Variants in SCMH1 observed in about 807,000 individuals in gnomAD.
SCMH1 encodes the protein Scm polycomb group protein homolog 1.
In SCMH1, 37 loss-of-function variants were observed where a neutral mutation model predicts 70.8. The ratio of observed to expected loss-of-function variants is 0.52; its 90% CI spans 0.40 to 0.69. SCMH1 has a LOEUF of 0.69. Ranked by LOEUF, SCMH1 falls within the 30% of genes least tolerant of loss-of-function variation. SCMH1 has a pLI of 0.00. For synonymous variants in SCMH1, 292 were observed against 307.4 expected (o/e 0.95, Z 0.52); for missense variants, 607 against 827.3 (o/e 0.73, Z 3.27).
intron 1 of SCMH1, among the ~76,000 whole-genome samples, chr1:41,214,608 C>T (rs1657711812): frequency 6.6e-6 from 1 of 152,086 alleles, no homozygotes; most frequent in East Asian, 1.9e-4. Context: ...ATGGCTAGGA[C>T]AACTGTTCAC....
At chr1:41,056,415 T>G (rs919304547) in intron 10 of SCMH1, among the ~76,000 whole-genome samples, 3 of 152,178 alleles carry the variant, frequency 2.0e-5, no homozygotes, top group African/African-American at 7.2e-5. Flanking sequence ...TAAAAATCCT[T>G]CCCAATCTTG....
At chr1:41,145,476 GT>G in intron 5 of SCMH1, among the ~76,000 whole-genome samples, 1 of 152,258 alleles carries the variant, frequency 6.6e-6, no homozygotes, top group African/African-American at 2.4e-5. Context: ...TTTGTAGTAA[GT>G]TTTGAAATCA....
intron 1 of SCMH1, among the ~76,000 whole-genome samples, chr1:41,207,124 T>G (rs973550613): frequency 1.3e-5 from 2 of 152,168 alleles, no homozygotes; most frequent in African/African-American, 2.4e-5. Flanking sequence ...ATGAAGAAAC[T>G]GCATCAATTA....
intron 1 of SCMH1, among the ~76,000 whole-genome samples, chr1:41,208,435 TAAAAA>T (rs149379351): frequency 7.7e-6 from 1 of 129,700 alleles, no homozygotes; most frequent in Non-Finnish European, 1.8e-5. Context: ...AGAAAAAAAT[TAAAAA>T]AAAAAAATAA....
intron 10 of SCMH1, among the ~76,000 whole-genome samples, chr1:41,051,325 T>C (rs1259715915): frequency 6.6e-6 from 1 of 152,206 alleles, no homozygotes; most frequent in Non-Finnish European, 1.5e-5. Flanking sequence ...GAGTACATAA[T>C]ACTTGGTAAC....
At chr1:41,233,814 T>C in intron 1 of SCMH1, among the ~76,000 whole-genome samples, 1 of 152,212 alleles carries the variant, frequency 6.6e-6, no homozygotes, top group East Asian at 1.9e-4. Context: ...CTCCTGATTA[T>C]GCTTATGGTA....
intron 10 of SCMH1, among the ~76,000 whole-genome samples, chr1:41,051,709 A>AT (rs1196185959): frequency 4.6e-5 from 7 of 152,300 alleles, no homozygotes; most frequent in Non-Finnish European, 8.8e-5. Context: ...AAAATAAAAT[A>AT]TTTTTGTACA....
intron 6 of SCMH1, among the ~76,000 whole-genome samples, chr1:41,119,826 T>C (rs1671480760): frequency 6.6e-6 from 1 of 152,212 alleles, no homozygotes; most frequent in Non-Finnish European, 1.5e-5. Context: ...TTCTTGGTTA[T>C]ATGAGTTAAT....
intron 1 of SCMH1, among the ~76,000 whole-genome samples, chr1:41,235,388 T>C (rs781700071): frequency 6.6e-6 from 1 of 151,442 alleles, no homozygotes; most frequent in Non-Finnish European, 1.5e-5. Flanking sequence ...CTGACCAACA[T>C]GGTGAAACCC....
intron 2 of SCMH1, among the ~76,000 whole-genome samples, chr1:41,174,352 T>C (rs1228490601): frequency 6.6e-6 from 1 of 151,968 alleles, no homozygotes; most frequent in Non-Finnish European, 1.5e-5. Context: ...GTTGTGGTGT[T>C]GTTGGCTGAG....
chr1:41,084,515 T>G (rs1661007403), intron 8 of SCMH1, among the ~76,000 whole-genome samples: 1 of 152,146 alleles, frequency 6.6e-6, no homozygotes, highest in Non-Finnish European at 1.5e-5. Context: ...AGGAACACTT[T>G]TACACTGTTG....
intron 2 of SCMH1, among the ~76,000 whole-genome samples, chr1:41,178,043 G>C (rs1320409788): frequency 2.6e-5 from 4 of 152,210 alleles, no homozygotes; most frequent in African/African-American, 9.6e-5. Flanking sequence ...TGTTCTCTCG[G>C]CAGAAACTCC....
chr1:41,120,923 A>G (rs916341077), intron 6 of SCMH1, among the ~76,000 whole-genome samples: 2 of 152,226 alleles, frequency 1.3e-5, no homozygotes, highest in African/African-American at 4.8e-5. Flanking sequence ...GTTAACATTT[A>G]TTGTACACAT....
rs972154990 is a variant in SCMH1, at chr1:41,157,265, T to C, written c.106+3610A>G. The stretch of plus-strand genomic sequence containing the variant: ...CCATAATTTTGACAAATCTTATCAG[T>C]GAAAAAATAAAATACTATTATAATT... On this transcript the variant is annotated intron_variant, in intron 4 of 14. Transcript: ENST00000337495. 1.3e-5 allele frequency among the ~76,000 whole-genome samples: 2 copies of C among 152,182 alleles called. 1 individual carries two copies. Among genetic ancestry groups the C allele is most frequent in the South Asian group, 4.1e-4 (2 of 4,836 alleles).
chr1:41,152,702 A>C, intron 4 of SCMH1: 2 of 1,614,046 alleles, frequency 1.2e-6, no homozygotes, highest in Admixed American at 3.3e-5. Context: ...GTAGTGGAGC[A>C]GCACAGAGCC....
intron 2 of SCMH1, among the ~76,000 whole-genome samples, chr1:41,165,564 GA>G (rs1368716584): frequency 6.6e-6 from 1 of 151,962 alleles, no homozygotes; most frequent in African/African-American, 2.4e-5. Context: ...TCATCTTTTT[GA>G]TAAGAGCCAA....
chr1:41,113,237 T>G lies in SCMH1; in HGVS notation c.745+46A>C, dbSNP rs369191959. On this transcript the variant is annotated intron_variant, in intron 8 of 14. Coordinates refer to ENST00000337495, the Ensembl canonical transcript of SCMH1. The surrounding 1 kb of genome is among the most constrained non-coding windows in gnomAD (Gnocchi z 4.3). The stretch of plus-strand genomic sequence containing the variant: ...TCATGACAGCCCTGGGTAGTCTCCC[T>G]TATCATCTGGGTCCTGATTTCAAGA... 9.4e-6 allele frequency: 15 copies of G among 1,592,614 alleles called. No homozygotes were observed. The African/African-American group carries it at 1.8e-4, about 19-fold the overall frequency.
At chr1:41,236,756 A>G (rs1362662568) in intron 1 of SCMH1, among the ~76,000 whole-genome samples, 1 of 152,222 alleles carries the variant, frequency 6.6e-6, no homozygotes, top group Non-Finnish European at 1.5e-5. Flanking sequence ...ACACAATACA[A>G]GTGCTATGTA....
chr1:41,153,382 G>C (rs192588683), intron 4 of SCMH1, among the ~76,000 whole-genome samples: 18 of 152,264 alleles, frequency 1.2e-4, no homozygotes, highest in Admixed American at 1.1e-3. Context: ...AATAGTTACT[G>C]TATTAGGAAG....
Sources: allele counts gnomAD v4.1 joint callset (sites outside exome capture counted in the v4.1 genomes callset), GRCh38; gene constraint gnomAD v4.1.1; non-coding constraint Gnocchi (gnomAD v3.1); transcripts MANE v1.5; gene names NCBI Gene and HGNC (gene_info 2026-07-23, HGNC 2026-07-21).